FHIT: variants seen among roughly 807,000 people sequenced by gnomAD.
FHIT encodes bis(5'-adenosyl)-triphosphatase.
In FHIT, 19 loss-of-function variants were observed where a neutral mutation model predicts 17.9. The ratio of observed to expected loss-of-function variants is 1.06; its 90% CI spans 0.74 to 1.56. The LOEUF is 1.56. Ranked by LOEUF, FHIT falls within the 40% of genes most tolerant of loss-of-function variation. The pLI is 0.00. For missense variants in FHIT, 248 were observed against 189.2 expected (o/e 1.31, Z -1.82); for synonymous variants, 81 against 69.7 (o/e 1.16, Z -0.81).
At chr3:60,858,949 T>C (rs1703499564) in intron 3 of FHIT, among the ~76,000 whole-genome samples, 2 of 152,180 alleles carry the variant, frequency 1.3e-5, no homozygotes, top group African/African-American at 4.8e-5. Flanking sequence ...AGGACATTCA[T>C]CTCTCCCTGT....
chr3:60,494,626 A>C (rs911720656), intron 5 of FHIT, among the ~76,000 whole-genome samples: 3 of 152,150 alleles, frequency 2.0e-5, no homozygotes, highest in Non-Finnish European at 2.9e-5. Context: ...CCACCTGTCA[A>C]CTATCCTTCC....
At chr3:60,227,677 G>A (rs1704282689) in intron 5 of FHIT, among the ~76,000 whole-genome samples, 3 of 152,066 alleles carry the variant, frequency 2.0e-5, no homozygotes, top group Non-Finnish European at 4.4e-5. Flanking sequence ...ATTTTTACAA[G>A]GCCATTGGAT....
chr3:60,426,657 C>T (rs12493494), intron 5 of FHIT, among the ~76,000 whole-genome samples: 19,703 of 152,086 alleles, frequency 0.13, 1,547 homozygotes, highest in Admixed American at 0.25. Flanking sequence ...TAGTCAACAC[C>T]CTCTCTAGAA....
chr3:60,504,552 T>G (rs1039737645), intron 5 of FHIT, among the ~76,000 whole-genome samples: 2 of 152,164 alleles, frequency 1.3e-5, no homozygotes, highest in African/African-American at 2.4e-5. Flanking sequence ...TTGTATAACA[T>G]AGTAAAACGT....
chr3:60,780,460 A>C (rs1553725508), intron 4 of FHIT, among the ~76,000 whole-genome samples: 26 of 152,160 alleles, frequency 1.7e-4, no homozygotes. Flanking sequence ...CTACGTGTGC[A>C]AACTGGCAAA....
chr3:61,116,585 A>G (rs1294838995), intron 2 of FHIT, among the ~76,000 whole-genome samples: 1 of 152,214 alleles, frequency 6.6e-6, no homozygotes, highest in African/African-American at 2.4e-5. Flanking sequence ...AATCACACTA[A>G]GTGGATTTTA....
intron 3 of FHIT, among the ~76,000 whole-genome samples, chr3:61,037,364 T>C (rs1310153697): frequency 1.3e-5 from 2 of 152,166 alleles, no homozygotes; most frequent in East Asian, 3.9e-4. Context: ...TTTCCTCAAC[T>C]GTAAAGCAAG....
intron 4 of FHIT, chr3:60,618,025 C>T (rs72889630): frequency 0.01 from 1,906 of 190,218 alleles, 50 homozygotes; most frequent in African/African-American, 0.044. Context: ...TCAAGCATCA[C>T]TCTTCTACTC....
At chr3:60,595,018 G>A (rs1201240192) in intron 4 of FHIT, among the ~76,000 whole-genome samples, 2 of 151,920 alleles carry the variant, frequency 1.3e-5, no homozygotes, top group African/African-American at 4.8e-5. Context: ...TTCCTCACAT[G>A]CCACTGGGAC....
At chr3:59,793,821 G>A (rs1699667881) in intron 8 of FHIT, among the ~76,000 whole-genome samples, 3 of 152,148 alleles carry the variant, frequency 2.0e-5, no homozygotes, top group African/African-American at 4.8e-5. Flanking sequence ...TGGCTTTGGA[G>A]GGAAAAAGAT....
chr3:61,139,254 C>T (rs1482023210), intron 2 of FHIT, among the ~76,000 whole-genome samples: 1 of 152,138 alleles, frequency 6.6e-6, no homozygotes, highest in Non-Finnish European at 1.5e-5. Context: ...TGGTCTCCAT[C>T]TCCTGACCTC....
intron 4 of FHIT, among the ~76,000 whole-genome samples, chr3:60,757,471 A>G (rs1375869812): frequency 2.0e-5 from 3 of 152,232 alleles, no homozygotes; most frequent in African/African-American, 7.2e-5. Context: ...TTAGGCAAAG[A>G]GGACAGGAAG....
chr3:59,861,895 T>C (rs904964892), intron 8 of FHIT, among the ~76,000 whole-genome samples: 11 of 152,338 alleles, frequency 7.2e-5, no homozygotes, highest in African/African-American at 2.6e-4. Context: ...ATATTTTCTA[T>C]GGCCTTTGCT....
intron 7 of FHIT, among the ~76,000 whole-genome samples, chr3:59,965,065 T>C (rs1178175421): frequency 6.6e-6 from 1 of 152,186 alleles, no homozygotes; most frequent in East Asian, 1.9e-4. Context: ...TGCTCTATTA[T>C]CCTTAAATTT....
At chr3:61,098,974 G>A (rs537441541) in intron 2 of FHIT, among the ~76,000 whole-genome samples, 1 of 152,328 alleles carries the variant, frequency 6.6e-6, no homozygotes, top group South Asian at 2.1e-4. Context: ...GATGTGGTGA[G>A]AGAGGGCATC....
At chr3:60,639,054 A>C (rs2039660805) in intron 4 of FHIT, among the ~76,000 whole-genome samples, 1 of 148,012 alleles carries the variant, frequency 6.8e-6, no homozygotes, top group Non-Finnish European at 1.5e-5. Flanking sequence ...CAACCAAGGC[A>C]TGCAAGATTC....
intron 5 of FHIT, among the ~76,000 whole-genome samples, chr3:60,423,594 A>G (rs1193441592): frequency 6.6e-6 from 1 of 152,162 alleles, no homozygotes; most frequent in Non-Finnish European, 1.5e-5. Context: ...TAATTCTTAA[A>G]GTTTAAGAAT....
intron 5 of FHIT, among the ~76,000 whole-genome samples, chr3:60,087,689 T>G (rs1356986197): frequency 1.3e-5 from 2 of 152,212 alleles, no homozygotes; most frequent in East Asian, 3.9e-4. Flanking sequence ...TGCTACTATG[T>G]AACAAGGGTG....
chr3:59,940,610 G>C (rs1246359276), intron 7 of FHIT, among the ~76,000 whole-genome samples: 1 of 152,166 alleles, frequency 6.6e-6, no homozygotes, highest in African/African-American at 2.4e-5. Flanking sequence ...TGGTGATTAA[G>C]AGCATCGAGC....
Sources: allele counts gnomAD v4.1 joint callset (sites outside exome capture counted in the v4.1 genomes callset), GRCh38; gene constraint gnomAD v4.1.1; transcripts MANE v1.5; gene names NCBI Gene and HGNC (gene_info 2026-07-23, HGNC 2026-07-21).